Variants in MYO10 observed in about 807,000 individuals in gnomAD.
The protein encoded by MYO10 is myosin X.
In MYO10, 133 loss-of-function variants were observed where a neutral mutation model predicts 257.3. That is an observed-to-expected ratio of 0.52 (90% CI 0.45 to 0.60). The LOEUF is 0.60. MYO10 is among the 20% of genes least tolerant of loss of function. The pLI, the probability that MYO10 is intolerant of heterozygous loss-of-function variation, is 0.00. For missense variants in MYO10, 2,399 were observed against 2,635.7 expected, an observed-to-expected ratio of 0.91 and a Z score of 1.97; for synonymous variants, 1,104 against 1,028.6, an observed-to-expected ratio of 1.07 and a Z score of -1.40.
intron 2 of MYO10, among the ~76,000 whole-genome samples, chr5:16,866,720 T>G (rs1274775253): frequency 1.3e-5 from 2 of 152,124 alleles, no homozygotes; most frequent in Non-Finnish European, 2.9e-5. Context: ...GCAAGGGAAT[T>G]ATGTCCAGGC....
At chr5:16,672,959 G>C in intron 36 of MYO10, 134 bp from the exon 37 acceptor site, 1 of 981,818 alleles carries the variant, frequency 1.0e-6, no homozygotes. Context: ...AATGTTACCC[G>C]TGTGGTCATC....
chr5:16,765,517 T>C (rs1244776082), intron 11 of MYO10, among the ~76,000 whole-genome samples: 4 of 152,196 alleles, frequency 2.6e-5, no homozygotes, highest in Non-Finnish European at 5.9e-5. Flanking sequence ...TCTGTCCCTC[T>C]AAGAAAACCC....
intron 2 of MYO10, among the ~76,000 whole-genome samples, chr5:16,857,426 G>C (rs974983723): frequency 6.6e-6 from 1 of 152,158 alleles, no homozygotes; most frequent in Non-Finnish European, 1.5e-5. Context: ...CTTTTATTTA[G>C]AGCATGGATT....
In MYO10 at chr5:16,663,975, A is replaced by C. The variant is rs1736067031; in HGVS notation, c.*2717T>G. On this transcript the variant is annotated 3_prime_UTR_variant, in exon 41 of 41. Transcript: ENST00000513610. ...TCACTGACCTTGTTGAAAGCAACTG[A>C]CATCACACACACCAATGAGTGCATG... The C allele has an allele frequency of 6.6e-6, 1 of 152,004 alleles. No homozygotes were observed. Among genetic ancestry groups the C allele is most frequent in the Non-Finnish European group, 1.5e-5 (1 of 68,028 alleles). The allele number at this position is 152,004 out of a possible 1,614,324, so 9.4% of individuals were successfully genotyped here.
Position 16,808,922 on chromosome 5 carries a change from G to A in MYO10, c.279+9087C>T, listed in dbSNP as rs184076929. Among the ~76,000 whole-genome samples the A allele has an allele frequency of 7.1e-3, 1,081 of 151,750 alleles. 17 individuals carry two copies. The highest frequency in any genetic ancestry group is 0.024 in the African/African-American group (1,013 of 41,354). ...CCTGACCTTGTGATCAGCCTGCCTC[G>A]GCCTCCCAAAGTGCTGGGATTACAG... On this transcript the variant is annotated intron_variant, in intron 3 of 40. Coordinates refer to ENST00000513610, the MANE Select transcript of MYO10 (RefSeq NM_012334.3).
Position 16,673,823 on chromosome 5 carries a change from C to T in MYO10, c.5031G>A (p.Lys1677=). 6.2e-7 allele frequency: 1 copy of T among 1,613,958 alleles called. No individual in the cohort carries two copies. The highest frequency in any genetic ancestry group is 1.1e-5 in the South Asian group (1 of 91,076). The change falls in exon 36 of 41, where the codon AAG becomes AAA. Residue 1677 remains lysine (K), a synonymous_variant. Transcript: ENST00000513610. ...KYALFTYESL[K]KTKCREFVPS... is the part of the protein sequence containing the mutation. ...GCACAAACTCTCGGCATTTGGTTTT[C>T]TTAAGAGATTCGTAAGTGAAGAGAG...
intron 2 of MYO10, among the ~76,000 whole-genome samples, chr5:16,867,008 T>C (rs1744271400): frequency 2.0e-5 from 3 of 152,186 alleles, no homozygotes; most frequent in African/African-American, 7.2e-5. Context: ...GGGCTCCACA[T>C]ACAAGGAAAG....
chr5:16,796,490 AGAAAGAAG>A, intron 3 of MYO10, among the ~76,000 whole-genome samples: 2 of 151,852 alleles, frequency 1.3e-5, no homozygotes, highest in African/African-American at 4.8e-5. Context: ...AAAGAAAGAA[AGAAAGAAG>A]GAAAATAAAT....
In MYO10 at chr5:16,698,724, C is replaced by T. The variant is rs562349121; in HGVS notation, c.3556+726G>A. ...CTGCAAGCTCCGCCTCCTGGGTTCA[C>T]GCCATTCTCCTGCCTCAGCCTCTCA... On this transcript the variant is annotated intron_variant, in intron 26 of 40. Transcript: ENST00000513610. Among the ~76,000 whole-genome samples the T allele has an allele frequency of 4.9e-5, 7 of 143,284 alleles. No homozygotes were observed. In the South Asian group the frequency reaches 6.4e-4, roughly 13 times the overall value. 94.0% of individuals were successfully genotyped at this position (143,284 alleles called of 152,430 possible). A position where few individuals can be genotyped will look rare whatever the true frequency, so the allele number is the denominator to read the frequency against.
chr5:16,812,595 C>T (rs1742474617), intron 3 of MYO10, among the ~76,000 whole-genome samples: 2 of 152,146 alleles, frequency 1.3e-5, no homozygotes, highest in Admixed American at 1.3e-4. Context: ...CACTAAATTG[C>T]AAGCTTTGAG....
At chr5:16,809,874 C>A (rs145155704) in intron 3 of MYO10, among the ~76,000 whole-genome samples, 1 of 152,120 alleles carries the variant, frequency 6.6e-6, no homozygotes. Flanking sequence ...AGCCTCAACA[C>A]CATAATTGCA....
At chr5:16,745,460 A>C (rs1192178883) in intron 19 of MYO10, among the ~76,000 whole-genome samples, 3 of 152,198 alleles carry the variant, frequency 2.0e-5, no homozygotes, top group Non-Finnish European at 2.9e-5. Context: ...CCAAAGCAGG[A>C]GAATCGCTTG....
intron 19 of MYO10, among the ~76,000 whole-genome samples, chr5:16,741,651 CA>C (rs1740022649): frequency 1.3e-5 from 2 of 152,296 alleles, no homozygotes; most frequent in African/African-American, 4.8e-5. Context: ...TACATGCAAT[CA>C]AAATCAGCAC....
intron 9 of MYO10, among the ~76,000 whole-genome samples, chr5:16,771,319 T>C (rs1156510629): frequency 1.3e-5 from 2 of 152,022 alleles, no homozygotes; most frequent in Non-Finnish European, 2.9e-5. Context: ...GAGACATTTA[T>C]ACAATGGTTG....
intron 28 of MYO10, among the ~76,000 whole-genome samples, chr5:16,689,279 T>C (rs1341135515): frequency 6.6e-6 from 1 of 152,204 alleles, no homozygotes; most frequent in East Asian, 1.9e-4. Flanking sequence ...ATTTAGAATA[T>C]TAGCCTGAAA....
chr5:16,788,831 T>C (rs1741669614), intron 4 of MYO10, among the ~76,000 whole-genome samples: 1 of 152,254 alleles, frequency 6.6e-6, no homozygotes, highest in African/African-American at 2.4e-5. Context: ...TGAATGAGGC[T>C]GTGGAACCAA....
chr5:16,674,833 C>T lies in MYO10; in HGVS notation c.4964+20G>A. ...GTAAGCAGCTCTGCCCAGCTCATCT[C>T]CCGTGCCCCCATGCTTTACCTTTTC... On this transcript the variant is annotated intron_variant, in intron 35 of 40. Coordinates refer to ENST00000513610, the MANE Select transcript of MYO10 (RefSeq NM_012334.3). The T allele has an allele frequency of 2.5e-6, 4 of 1,613,214 alleles. No individual in the cohort carries two copies. Among genetic ancestry groups the T allele is most frequent in the Non-Finnish European group, 3.4e-6 (4 of 1,179,602 alleles).
intron 17 of MYO10, among the ~76,000 whole-genome samples, chr5:16,760,748 A>C (rs1289176907): frequency 6.6e-6 from 1 of 152,034 alleles, no homozygotes; most frequent in African/African-American, 2.4e-5. Flanking sequence ...ACACTGCTTA[A>C]GATATTAAGG....
At chr5:16,673,083 G>C (rs947624167) in intron 36 of MYO10, among the ~76,000 whole-genome samples, 1 of 152,144 alleles carries the variant, frequency 6.6e-6, no homozygotes, top group Non-Finnish European at 1.5e-5. Flanking sequence ...ATGCTGGGCT[G>C]ATTTCTTGCA....
Sources: allele counts gnomAD v4.1 joint callset (sites outside exome capture counted in the v4.1 genomes callset), GRCh38; gene constraint gnomAD v4.1.1; transcripts MANE v1.5; gene names NCBI Gene and HGNC (gene_info 2026-07-23, HGNC 2026-07-21).